LILRB1: variants seen among roughly 807,000 people sequenced by gnomAD.
LILRB1 encodes leukocyte immunoglobulin like receptor B1.
LILRB1 carries 59 observed loss-of-function variants against 74.6 expected under a neutral mutation model. The observed-to-expected ratio is 0.79, with a 90% CI of 0.64 to 0.98. The LOEUF (loss-of-function observed/expected upper bound fraction) is 0.98, where lower values mean the gene tolerates loss of function less well. LILRB1 is among the 50% of genes least tolerant of loss of function. LILRB1 has a pLI of 0.00. For missense variants in LILRB1, 804 were observed against 822.6 expected, an observed-to-expected ratio of 0.98 and a Z score of 0.28; for synonymous variants, 328 against 333.9, an observed-to-expected ratio of 0.98 and a Z score of 0.19.
chr19:54,635,533 A>G (rs377311124), intron 12 of LILRB1, 24 bp from the exon 13 acceptor site: 207 of 1,605,088 alleles, frequency 1.3e-4, no homozygotes, highest in African/African-American at 2.5e-4. Flanking sequence ...CCCAAGAGAC[A>G]AACCCCTTGC....
upstream of LILRB1, among the ~76,000 whole-genome samples, chr19:54,616,433 G>A (rs1198404048): frequency 1.3e-4 from 20 of 152,078 alleles, no homozygotes; most frequent in Non-Finnish European, 2.5e-4. Context: ...TTTGGTGCCT[G>A]AACACGTGAG....
upstream of LILRB1, among the ~76,000 whole-genome samples, chr19:54,616,455 G>C (rs537346072): frequency 6.6e-6 from 1 of 152,116 alleles, no homozygotes; most frequent in African/African-American, 2.4e-5. Flanking sequence ...CCTCAGATAA[G>C]ACTCAGGACC....
rs536338809 is a variant in LILRB1 at position 54,620,099 on chromosome 19, G to A, written c.-166+2750G>A. The stretch of plus-strand genomic sequence containing the variant: ...TTTCTAGTTAAGAAACTATTTAAGA[G>A]TTGCTTTAAAATGAAGAAAAAATTA... On this transcript the variant is annotated intron_variant, in intron 1 of 15. Transcript: ENST00000396331. Among the ~76,000 whole-genome samples the A allele has an allele frequency of 1.9e-3, 286 of 151,578 alleles. 1 individual carries two copies. Among genetic ancestry groups the A allele is most frequent in the African/African-American group, 6.8e-3 (282 of 41,330 alleles).
chr19:54,628,797 T>G (rs1208818177), upstream of LILRB1, among the ~76,000 whole-genome samples: 1 of 152,114 alleles, frequency 6.6e-6, no homozygotes, highest in Admixed American at 6.5e-5. Flanking sequence ...TGGGAGGGTC[T>G]TAAGAGCCAC....
chr19:54,629,552 G>T (rs2063699903), upstream of LILRB1, among the ~76,000 whole-genome samples: 4 of 152,134 alleles, frequency 2.6e-5, no homozygotes, highest in Admixed American at 2.6e-4. Context: ...TCTTTCTTTG[G>T]AATCCCAGCA....
chr19:54,628,525 A>G (rs2063659233), upstream of LILRB1, among the ~76,000 whole-genome samples: 1 of 152,154 alleles, frequency 6.6e-6, no homozygotes, highest in Non-Finnish European at 1.5e-5. Context: ...AATTTGCTGT[A>G]GCAGCTCACA....
intron 13 of LILRB1, 34 bp downstream of exon 13, chr19:54,635,643 C>T (rs1485584535): frequency 6.2e-7 from 1 of 1,603,254 alleles, no homozygotes; most frequent in African/African-American, 1.3e-5. Context: ...GCACCAAAGG[C>T]CTCCTGGTGC....
chr19:54,634,041 T>C lies in LILRB1; in HGVS notation c.1363+20T>C. 6.3e-7 allele frequency: 1 copy of C among 1,579,502 alleles called. No individual in the cohort carries two copies. Among genetic ancestry groups the C allele is most frequent in the Admixed American group, 1.8e-5 (1 of 54,716 alleles). ...AGAGTGGTGAGTGACGGGCTCTGAGTGGGAGGTGGGCAGGGTCCAGGGGAG... is the reference window on the plus strand; with the variant it reads ...AGAGTGGTGAGTGACGGGCTCTGAGCGGGAGGTGGGCAGGGTCCAGGGGAG... On this transcript the variant is annotated intron_variant, in intron 9 of 14. Transcript: ENST00000324602.
chr19:54,631,752 C>A lies in LILRB1; in HGVS notation c.323C>A (p.Ser108Ter). 6.2e-7 allele frequency: 1 copy of A among 1,614,250 alleles called. No homozygotes were observed. Among genetic ancestry groups the A allele is most frequent in the Non-Finnish European group, 8.5e-7 (1 of 1,180,030 alleles). The stretch of plus-strand genomic sequence containing the variant: ...TATGGTAGCGACACTGCAGGCCGCT[C>A]AGAGAGCAGTGACCCCCTGGAGCTG... ...CYYGSDTAGRSESSDPLELVV... is the reference protein window; with the variant it reads ...CYYGSDTAGR The change falls in exon 4 of 15, where the codon TCA becomes TAA. Residue 108 changes from serine (S) to a stop codon, truncating the protein, a stop_gained. Coordinates refer to ENST00000324602, the MANE Select transcript of LILRB1 (RefSeq NM_001081637.3). LOFTEE classifies it high-confidence loss of function.
chr19:54,616,926 A>G (rs2063324357), upstream of LILRB1, among the ~76,000 whole-genome samples: 1 of 152,204 alleles, frequency 6.6e-6, no homozygotes, highest in Admixed American at 6.5e-5. Context: ...GGGAACACCC[A>G]ACAAAATGAG....
rs761608191 is a variant in LILRB1 at position 54,634,019 on chromosome 19, G to A, written c.1361G>A (p.Ser454Asn). 2 of 1,597,026 alleles carry A rather than the reference G, an allele frequency of 1.3e-6. No homozygotes were observed. Among genetic ancestry groups the A allele is most frequent in the South Asian group, 2.3e-5 (2 of 87,856 alleles). ...ACCCCCACCGGGTCGGATCCCCAGAGTGGTGAGTGACGGGCTCTGAGTGGG... is the reference window on the plus strand; with the variant it reads ...ACCCCCACCGGGTCGGATCCCCAGAATGGTGAGTGACGGGCTCTGAGTGGG... ...PLTPTGSDPQ[S>N]GLGRHLGVVI... is the part of the protein sequence containing the mutation. The change falls in exon 9 of 15, where the codon AGT (serine) becomes AAT (asparagine). Residue 454 changes from serine to asparagine, a missense_variant and splice_region_variant. Transcript: ENST00000324602.
chr19:54,629,943 G>C (rs2063714844), upstream of LILRB1, among the ~76,000 whole-genome samples: 1 of 150,510 alleles, frequency 6.6e-6, no homozygotes. Context: ...GGTCAGATGT[G>C]AGATCCAGAG....
At chr19:54,629,248 C>T (rs980076641), upstream of LILRB1, among the ~76,000 whole-genome samples, 2 of 151,648 alleles carry the variant, frequency 1.3e-5, no homozygotes, top group Non-Finnish European at 2.9e-5. Flanking sequence ...GGCTGGAGTA[C>T]GAGCAGGTGT....
At chr19:54,635,895 G>T in intron 13 of LILRB1, 1 of 637,374 alleles carries the variant, frequency 1.6e-6, no homozygotes, top group Non-Finnish European at 3.0e-6. Context: ...GAACCACCCC[G>T]GTCCCCCAGG....
upstream of LILRB1, among the ~76,000 whole-genome samples, chr19:54,628,759 C>T (rs1443479911): frequency 6.6e-6 from 1 of 152,044 alleles, no homozygotes; most frequent in African/African-American, 2.4e-5. Flanking sequence ...GTATTTCCTC[C>T]CACAAGGAAC....
upstream of LILRB1, among the ~76,000 whole-genome samples, chr19:54,629,709 G>A (rs2063705676): frequency 7.6e-6 from 1 of 131,338 alleles, no homozygotes; most frequent in South Asian, 2.6e-4. Flanking sequence ...TGCAGATCCC[G>A]AGGTTCCTCT....
In LILRB1 at chr19:54,631,487, G is replaced by T. The variant is rs2063837210; in HGVS notation, c.71-13G>T. On this transcript the variant is annotated splice_polypyrimidine_tract_variant and intron_variant, in intron 3 of 14. Transcript: ENST00000324602. ...GGAAATGAGTTAGAATCTGACTCCT[G>T]ATTTCCTTCCAGGGCACCTCCCCAA... The T allele has an allele frequency of 1.9e-6, 3 of 1,602,300 alleles. No homozygotes were observed.
intron 12 of LILRB1, 79 bp downstream of exon 12, chr19:54,635,375 T>C (rs569487713): frequency 0.022 from 33,878 of 1,534,110 alleles, 863 homozygotes; most frequent in South Asian, 0.056. Flanking sequence ...AAAGGGGCGC[T>C]GGCTGGAAAG....
At position 54,633,020 on chromosome 19, in the gene LILRB1, G is replaced by A. The variant is rs184520604; in HGVS notation, c.963G>A (p.Gln321=). The part of the protein sequence containing the change: ...SDPLDILIAG[Q]FYDRVSLSVQ... ...GCCCATCCTTCTTCTCTCCAGGACA[G>A]TTCTATGACAGAGTCTCCCTCTCGG... Residue 321 remains glutamine (Q), a synonymous_variant, in exon 7 of 15, where the codon CAG becomes CAA. Transcript: ENST00000324602. 12 of 1,613,592 alleles carry A rather than the reference G, an allele frequency of 7.4e-6. No individual in the cohort carries two copies. The highest frequency in any genetic ancestry group is 8.5e-7 in the Non-Finnish European group (1 of 1,179,630).
Sources: gnomAD v4.1 joint callset for allele counts (sites outside exome capture counted in the v4.1 genomes callset) on GRCh38, gnomAD v4.1.1 for gene constraint, MANE v1.5 for transcripts, NCBI Gene and HGNC (gene_info 2026-07-23, HGNC 2026-07-21) for gene names.